ANAPC5: variants seen among roughly 807,000 people sequenced by gnomAD.
The protein encoded by ANAPC5 is anaphase promoting complex subunit 5, also known as anaphase-promoting complex subunit 5.
A neutral mutation model predicts 91.3 loss-of-function variants in ANAPC5; 60 were observed. That is an observed-to-expected ratio of 0.66 (90% CI 0.53 to 0.81). The LOEUF (loss-of-function observed/expected upper bound fraction) is 0.81, where lower values mean the gene tolerates loss of function less well. Among genes scored for constraint, ANAPC5 ranks in the 40% least tolerant of loss-of-function variants. The pLI is 0.00. For synonymous variants in ANAPC5, 340 were observed against 364.1 expected (o/e 0.93, Z 0.75); for missense variants, 690 against 931.5 (o/e 0.74, Z 3.37).
chr12:121,335,446 G>A lies in ANAPC5; in HGVS notation c.950+87C>T, dbSNP rs1342629998. 11 of 1,446,620 alleles carry A rather than the reference G, an allele frequency of 7.6e-6. No individual in the cohort carries two copies. In the East Asian group the frequency reaches 9.3e-5, roughly 12 times the overall value. The allele number at this position is 1,446,620 out of a possible 1,614,324, so 89.6% of individuals were successfully genotyped here. A position where few individuals can be genotyped will look rare whatever the true frequency, so the allele number is the denominator to read the frequency against. ...CTCCCAAAGTGCTGGGACTATAGGC[G>A]TGAGCCACCGCACCAGGCCAAACAG... On this transcript the variant is annotated intron_variant, in intron 7 of 16. Transcript: ENST00000261819.
At chr12:121,314,850 C>CAA (rs1185423001) in intron 15 of ANAPC5, among the ~76,000 whole-genome samples, 1 of 152,028 alleles carries the variant, frequency 6.6e-6, no homozygotes, top group Admixed American at 6.6e-5. Context: ...AGGCTGGTCT[C>CAA]GAACTCCTGG....
At chr12:121,347,774 C>T in intron 2 of ANAPC5, 28 bp downstream of exon 2, 4 of 1,549,644 alleles carry the variant, frequency 2.6e-6, no homozygotes, top group Non-Finnish European at 3.6e-6. Context: ...CACACCTTTT[C>T]ATATATAAAG....
chr12:121,322,415 C>A (rs188149908), intron 11 of ANAPC5, among the ~76,000 whole-genome samples: 81 of 150,608 alleles, frequency 5.4e-4, no homozygotes, highest in African/African-American at 1.8e-3. Flanking sequence ...CACCTCAGCC[C>A]CCCAAATTGC....
At chr12:121,352,427 C>A (rs782213818), upstream of ANAPC5, 7 of 1,070,790 alleles carry the variant, frequency 6.5e-6, no homozygotes, top group African/African-American at 9.5e-5. Flanking sequence ...TACATCTCCG[C>A]CCGCCCTCAC....
intron 5 of ANAPC5, 24 bp downstream of exon 5, chr12:121,341,979 T>A (rs371799358): frequency 7.6e-6 from 12 of 1,580,036 alleles, no homozygotes; most frequent in African/African-American, 1.4e-5. Flanking sequence ...CAGAAGTTCA[T>A]GATAAATTAC....
At chr12:121,340,232 C>A (rs890378140) in intron 5 of ANAPC5, among the ~76,000 whole-genome samples, 1 of 149,216 alleles carries the variant, frequency 6.7e-6, no homozygotes, top group African/African-American at 2.5e-5. Context: ...GCAGGAGAAT[C>A]GCTTGAACCC....
rs1902518120 is a variant in ANAPC5 at position 121,319,691 on chromosome 12, TC to T, written c.1637+5del. ...TTCTGGGGTTAGAGTTTTCAAGGTT[TC>T]TTACCTATAAACACCCTCTATGCTA... On this transcript the variant is annotated splice_donor_5th_base_variant and intron_variant, in intron 13 of 16. Coordinates refer to ENST00000261819, the MANE Select transcript of ANAPC5 (RefSeq NM_016237.5). 6.2e-7 allele frequency: 1 copy of T among 1,601,526 alleles called. No homozygotes were observed. Among genetic ancestry groups the T allele is most frequent in the African/African-American group, 1.3e-5 (1 of 74,336 alleles).
chr12:121,351,288 A>G (rs1454113153), intron 1 of ANAPC5: 1 of 315,342 alleles, frequency 3.2e-6, no homozygotes, highest in African/African-American at 2.3e-5. Context: ...TGGGAGGATC[A>G]CCTGAGCCTG....
intron 15 of ANAPC5, among the ~76,000 whole-genome samples, chr12:121,316,749 A>G (rs995719689): frequency 2.0e-5 from 3 of 150,900 alleles, no homozygotes; most frequent in Admixed American, 6.6e-5. Flanking sequence ...AAAAAAAAAA[A>G]AAAAAAAAGA....
chr12:121,352,353 CTAAGTCTCGGG>C lies in ANAPC5; in HGVS notation c.-24_-14del, dbSNP rs1287199845. Reference sequence around the variant, plus strand: ...GGACGCTGGCCATGGCGGCCCGAGACTAAGTCTCGGGCCCGCGGCGCGCTGCCGCCAGTTGT... The same window carrying C: ...GGACGCTGGCCATGGCGGCCCGAGACCCCGCGGCGCGCTGCCGCCAGTTGT... On this transcript the variant is annotated 5_prime_UTR_variant, in exon 1 of 17. Transcript: ENST00000261819. The C allele has an allele frequency of 5.0e-6, 8 of 1,587,062 alleles. No homozygotes were observed. Among genetic ancestry groups the C allele is most frequent in the Non-Finnish European group, 6.9e-6 (8 of 1,162,990 alleles).
intron 10 of ANAPC5, 105 bp downstream of exon 10, chr12:121,328,211 A>G: frequency 2.0e-6 from 2 of 1,024,292 alleles, no homozygotes; most frequent in Non-Finnish European, 2.9e-6. Flanking sequence ...AACAACATCT[A>G]TCCAAGGCAG....
At chr12:121,334,352 G>A (rs1316756935) in intron 7 of ANAPC5, 3 of 152,118 alleles carry the variant, frequency 2.0e-5, no homozygotes, top group Non-Finnish European at 2.9e-5. Context: ...ACAGAGAAAG[G>A]GATAGATGTC....
chr12:121,314,219 G>A (rs1197679586), intron 15 of ANAPC5, among the ~76,000 whole-genome samples: 1 of 152,098 alleles, frequency 6.6e-6, no homozygotes, highest in Non-Finnish European at 1.5e-5. Flanking sequence ...GACCAACATG[G>A]CAAAACCCTG....
intron 11 of ANAPC5, among the ~76,000 whole-genome samples, chr12:121,322,307 C>A (rs894834823): frequency 4.0e-5 from 6 of 151,240 alleles, no homozygotes; most frequent in African/African-American, 1.5e-4. Context: ...TACAGGCAGA[C>A]ACCACCACAC....
chr12:121,337,291 C>T lies in ANAPC5; in HGVS notation c.759G>A (p.Ala253=), dbSNP rs374015840. ...GCAACAAATTCTGGGAAAGACTTAC[C>T]GCTTCAGCAAAATCAGGATTAAATT... ...LLKFNPDFAE[A]HYLSYLNNLR... Residue 253 remains alanine (A), a splice_region_variant and synonymous_variant, in exon 6 of 17, where the codon GCG becomes GCA. Transcript: ENST00000261819. 9.7e-5 allele frequency: 156 copies of T among 1,611,266 alleles called. 1 individual carries two copies. The highest frequency in any genetic ancestry group is 2.8e-4 in the Admixed American group (17 of 59,778).
At chr12:121,311,896 A>G (rs1386388235) in intron 15 of ANAPC5, among the ~76,000 whole-genome samples, 1 of 152,228 alleles carries the variant, frequency 6.6e-6, no homozygotes, top group African/African-American at 2.4e-5. Flanking sequence ...CCACCTTTCA[A>G]TCGCAGATAG....
At chr12:121,329,072 C>T (rs1053613776) in intron 9 of ANAPC5, 5 of 152,496 alleles carry the variant, frequency 3.3e-5, no homozygotes, top group African/African-American at 7.2e-5. Flanking sequence ...CAAGGAGCCA[C>T]TTTTGTCATT....
chr12:121,331,338 T>C lies in ANAPC5; in HGVS notation c.1032+9A>G, dbSNP rs782316918. On this transcript the variant is annotated intron_variant, in intron 8 of 16. Transcript: ENST00000261819. ...GAACAAAACTCCCAAGACCAGAGGATGGCCTCACCAAACAGTGCTGGAGAC... is the reference window on the plus strand; with the variant it reads ...GAACAAAACTCCCAAGACCAGAGGACGGCCTCACCAAACAGTGCTGGAGAC... 3 of 1,583,352 alleles carry C rather than the reference T, an allele frequency of 1.9e-6. No individual in the cohort carries two copies. The highest frequency in any genetic ancestry group is 1.3e-5 in the African/African-American group (1 of 74,604).
intron 16 of ANAPC5, 64 bp downstream of exon 16, chr12:121,309,637 G>A (rs1902075736): frequency 6.6e-7 from 1 of 1,505,420 alleles, no homozygotes; most frequent in Non-Finnish European, 8.9e-7. Flanking sequence ...TTCTTCTTCT[G>A]GGTCCTAAAC....
Sources: allele counts gnomAD v4.1 joint callset (sites outside exome capture counted in the v4.1 genomes callset), GRCh38; gene constraint gnomAD v4.1.1; transcripts MANE v1.5; gene names NCBI Gene and HGNC (gene_info 2026-07-23, HGNC 2026-07-21).